ARHGEF9: variants seen among roughly 807,000 people sequenced by gnomAD.
The protein encoded by ARHGEF9 is rho guanine nucleotide exchange factor 9.
Under a neutral mutation model 41.3 loss-of-function variants are expected in ARHGEF9, and 2 were observed. That is an observed-to-expected ratio of 0.05 (90% CI 0.02 to 0.15). The LOEUF (loss-of-function observed/expected upper bound fraction) is 0.15, where lower values mean the gene tolerates loss of function less well. ARHGEF9 is among the 10% of genes least tolerant of loss of function. The pLI is 1.00. For missense variants in ARHGEF9, 225 were observed against 424.7 expected (o/e 0.53, Z 4.13); for synonymous variants, 160 against 154.4 (o/e 1.04, Z -0.27).
At chrX:63,737,567 A>G (rs1433458072) in intron 1 of ARHGEF9, among the ~76,000 whole-genome samples, 1 of 112,508 alleles carries the variant, frequency 8.9e-6, no homozygotes, top group African/African-American at 3.2e-5. Context: ...CAACACCAGT[A>G]CAGGGATGGC....
chrX:63,661,652 A>G (rs782047194), intron 7 of ARHGEF9, among the ~76,000 whole-genome samples: 1 of 111,793 alleles, frequency 8.9e-6, no homozygotes, highest in South Asian at 3.8e-4. Context: ...AGCAAAAATT[A>G]AAGAAGGGGT....
At chrX:63,743,468 G>T (rs2147735552) in intron 1 of ARHGEF9, 1 of 112,766 alleles carries the variant, frequency 8.9e-6, no homozygotes, top group African/African-American at 3.2e-5. Flanking sequence ...ATGGAGAAAA[G>T]AACATGTGTC....
chrX:63,664,771 G>A (rs1391860616), intron 7 of ARHGEF9, among the ~76,000 whole-genome samples: 1 of 112,052 alleles, frequency 8.9e-6, no homozygotes, highest in East Asian at 2.8e-4. Context: ...CAAACACTGA[G>A]GCAGTCTGAA....
chrX:63,760,451 T>C (rs781844363), intron 1 of ARHGEF9, among the ~76,000 whole-genome samples: 1 of 111,613 alleles, frequency 9.0e-6, no homozygotes, highest in South Asian at 3.7e-4. Flanking sequence ...TCAGTTCAAT[T>C]CAATAAGCCC....
At chrX:63,745,756 C>A (rs1212620988) in intron 1 of ARHGEF9, among the ~76,000 whole-genome samples, 1 of 111,285 alleles carries the variant, frequency 9.0e-6, no homozygotes, top group South Asian at 3.8e-4. Flanking sequence ...AAATACCCAC[C>A]CCCATCACAC....
At chrX:63,747,607 G>C (rs2055349337) in intron 1 of ARHGEF9, among the ~76,000 whole-genome samples, 1 of 111,792 alleles carries the variant, frequency 8.9e-6, no homozygotes, top group Non-Finnish European at 1.9e-5. Flanking sequence ...GAAAAATATT[G>C]ATGCCAGGAA....
chrX:63,644,339 T>A (rs2047851679), intron 8 of ARHGEF9: 1 of 177,089 alleles, frequency 5.6e-6, no homozygotes, highest in African/African-American at 3.0e-5. Flanking sequence ...AATCGTTAAA[T>A]AAAGCATGAC....
intron 1 of ARHGEF9, among the ~76,000 whole-genome samples, chrX:63,752,865 C>T (rs1378566611): frequency 1.8e-5 from 2 of 112,030 alleles, no homozygotes; most frequent in Admixed American, 1.9e-4. Context: ...CAGATTTGCA[C>T]ATCAGACATG....
chrX:63,724,434 C>T (rs1482642267), intron 2 of ARHGEF9, 98 bp downstream of exon 2: 1 of 983,400 alleles, frequency 1.0e-6, no homozygotes, highest in Non-Finnish European at 1.4e-6. Context: ...AGAAAAGCCA[C>T]CAGGAGAGAA....
intron 8 of ARHGEF9, among the ~76,000 whole-genome samples, chrX:63,654,457 G>T (rs1166451326): frequency 9.0e-6 from 1 of 111,668 alleles, no homozygotes; most frequent in African/African-American, 3.3e-5. Flanking sequence ...TGTCCCAATG[G>T]AGTGTCCACA....
chrX:63,663,387 T>C (rs1234940099), intron 7 of ARHGEF9, among the ~76,000 whole-genome samples: 6 of 111,688 alleles, frequency 5.4e-5, no homozygotes, highest in Non-Finnish European at 9.4e-5. Flanking sequence ...AAATATTATA[T>C]ATTATTTAGC....
At chrX:63,656,394 ATTG>A (rs2048878619) in intron 7 of ARHGEF9, 1 of 112,418 alleles carries the variant, frequency 8.9e-6, no homozygotes, top group African/African-American at 3.2e-5. Context: ...CCTATTTGTT[ATTG>A]TTGTTTTGCT....
intron 2 of ARHGEF9, among the ~76,000 whole-genome samples, chrX:63,712,672 C>G (rs1195387043): frequency 9.0e-6 from 1 of 111,543 alleles, no homozygotes; most frequent in African/African-American, 3.3e-5. Flanking sequence ...CTAAAACCCA[C>G]TAAACTGTAT....
chrX:63,642,806 C>G (rs143812514), intron 9 of ARHGEF9: 1 of 111,298 alleles, frequency 9.0e-6, no homozygotes, highest in East Asian at 2.8e-4. Context: ...TTGCCCACAC[C>G]TGGGGACAGT....
chrX:63,723,443 C>T (rs1255275005), intron 2 of ARHGEF9, among the ~76,000 whole-genome samples: 5 of 111,680 alleles, frequency 4.5e-5, no homozygotes, highest in African/African-American at 1.3e-4. Flanking sequence ...GCCCTTCTGA[C>T]CTTTTGTTTG....
At chrX:63,778,274 C>T (rs1191426619) in intron 1 of ARHGEF9, among the ~76,000 whole-genome samples, 2 of 112,460 alleles carry the variant, frequency 1.8e-5, no homozygotes, top group East Asian at 5.6e-4. Context: ...GAAGCAATGG[C>T]TTGAGCTCTA....
intron 1 of ARHGEF9, among the ~76,000 whole-genome samples, chrX:63,773,401 G>A (rs2056235706): frequency 9.0e-6 from 1 of 111,563 alleles, no homozygotes; most frequent in African/African-American, 3.3e-5. Flanking sequence ...TATAAATTCA[G>A]GGAAGTGGGA....
intron 2 of ARHGEF9, among the ~76,000 whole-genome samples, chrX:63,711,379 G>A (rs2052922064): frequency 9.0e-6 from 1 of 111,438 alleles, no homozygotes; most frequent in African/African-American, 3.3e-5. Context: ...TAAAGTTGGA[G>A]GACTCACACT....
intron 1 of ARHGEF9, chrX:63,767,178 C>T (rs1556452219): frequency 1.4e-6 from 1 of 729,825 alleles, no homozygotes. Flanking sequence ...CATCTTAAAC[C>T]AGCTTGGTGC....
Sources: gnomAD v4.1 joint callset for allele counts (sites outside exome capture counted in the v4.1 genomes callset) on GRCh38, gnomAD v4.1.1 for gene constraint, MANE v1.5 for transcripts, NCBI Gene and HGNC (gene_info 2026-07-23, HGNC 2026-07-21) for gene names.